The following FGF7 variants were observed in gnomAD, a reference collection of about 807,000 sequenced individuals.
The protein encoded by FGF7 is fibroblast growth factor 7, also known as FGF-7.
Under a neutral mutation model 20.5 loss-of-function variants are expected in FGF7, and 6 were observed. That is an observed-to-expected ratio of 0.29 (90% CI 0.16 to 0.58). FGF7 has a LOEUF of 0.58. Among genes scored for constraint, FGF7 ranks in the 20% least tolerant of loss-of-function variants. FGF7 has a pLI of 0.90. For missense variants in FGF7, 144 were observed against 228.8 expected, an observed-to-expected ratio of 0.63 and a Z score of 2.39; for synonymous variants, 64 against 74.7, an observed-to-expected ratio of 0.86 and a Z score of 0.74.
intron 2 of FGF7, among the ~76,000 whole-genome samples, chr15:49,443,990 G>C (rs2051933770): frequency 6.6e-6 from 1 of 151,594 alleles, no homozygotes; most frequent in Non-Finnish European, 1.5e-5. Flanking sequence ...ACACTTTTGA[G>C]AGTAAAAGAT....
At chr15:49,472,891 G>C (rs892100458) in intron 2 of FGF7, among the ~76,000 whole-genome samples, 2 of 148,014 alleles carry the variant, frequency 1.4e-5, no homozygotes. Flanking sequence ...TAAGAGAAAG[G>C]AGTATCTAAT....
chr15:49,431,201 C>A (rs1252857933), intron 2 of FGF7, among the ~76,000 whole-genome samples: 1 of 151,784 alleles, frequency 6.6e-6, no homozygotes, highest in African/African-American at 2.4e-5. Context: ...CAACATCTAA[C>A]ATTTTTACCC....
chr15:49,445,353 TA>T (rs1454190942), intron 2 of FGF7, among the ~76,000 whole-genome samples: 6 of 151,684 alleles, frequency 4.0e-5, no homozygotes, highest in Non-Finnish European at 1.5e-5. Context: ...CTCTTACTTA[TA>T]AGTGAAAACA....
intron 2 of FGF7, among the ~76,000 whole-genome samples, chr15:49,433,893 AAAAGAG>A (rs2151800806): frequency 6.6e-6 from 1 of 151,870 alleles, no homozygotes; most frequent in African/African-American, 2.4e-5. Flanking sequence ...ATTAGAGACA[AAAAGAG>A]AAAAAGTCTT....
chr15:49,458,595 T>G (rs764904331), intron 2 of FGF7, among the ~76,000 whole-genome samples: 5 of 152,124 alleles, frequency 3.3e-5, no homozygotes, highest in Non-Finnish European at 7.4e-5. Context: ...GCCAAGCTCT[T>G]GTCTTTATAG....
At chr15:49,435,059 G>A (rs757550256) in intron 2 of FGF7, among the ~76,000 whole-genome samples, 7 of 151,246 alleles carry the variant, frequency 4.6e-5, no homozygotes, top group African/African-American at 1.2e-4. Context: ...TGTTCATTTC[G>A]AACACATACA....
chr15:49,427,753 T>C (rs1567255828), intron 2 of FGF7, among the ~76,000 whole-genome samples: 2 of 151,910 alleles, frequency 1.3e-5, no homozygotes, highest in South Asian at 4.1e-4. Flanking sequence ...CTAGTAAATA[T>C]GGATTGGAGC....
Position 49,485,729 on chromosome 15 carries a change from G to T in FGF7, c.*1225G>T, listed in dbSNP as rs1396923800. ...ACCACATATTCTTGCCAATTAATTG[G>T]ATCATATAAGTAAAATCATTACAAA... On this transcript the variant is annotated 3_prime_UTR_variant, in exon 4 of 4. Coordinates refer to ENST00000267843, the MANE Select transcript of FGF7 (RefSeq NM_002009.4). 1 of 152,302 alleles carries T rather than the reference G, an allele frequency of 6.6e-6. No homozygotes were observed. Among genetic ancestry groups the T allele is most frequent in the East Asian group, 1.9e-4 (1 of 5,198 alleles). The allele number at this position is 152,302 out of a possible 1,614,324, so 9.4% of individuals were successfully genotyped here.
intron 2 of FGF7, among the ~76,000 whole-genome samples, chr15:49,465,209 A>G (rs1314859608): frequency 1.3e-5 from 2 of 152,078 alleles, no homozygotes; most frequent in Non-Finnish European, 1.5e-5. Context: ...AACTCACTGC[A>G]ACCTCTGCCT....
At chr15:49,449,711 C>T (rs891773456) in intron 2 of FGF7, among the ~76,000 whole-genome samples, 4 of 151,976 alleles carry the variant, frequency 2.6e-5, no homozygotes, top group Non-Finnish European at 4.4e-5. Flanking sequence ...AGGTCTCTTT[C>T]GCTTCTATAC....
intron 2 of FGF7, among the ~76,000 whole-genome samples, chr15:49,433,805 G>A (rs950230806): frequency 2.2e-4 from 33 of 151,654 alleles, no homozygotes; most frequent in African/African-American, 8.0e-4. Flanking sequence ...CTGACTGCCA[G>A]CTAATCCATG....
chr15:49,456,589 T>C (rs2053316790), intron 2 of FGF7, among the ~76,000 whole-genome samples: 1 of 152,130 alleles, frequency 6.6e-6, no homozygotes, highest in Non-Finnish European at 1.5e-5. Context: ...TTTGCCTTTC[T>C]CTTCTCAAGG....
At chr15:49,472,924 A>C (rs1019514089) in intron 2 of FGF7, among the ~76,000 whole-genome samples, 1 of 152,188 alleles carries the variant, frequency 6.6e-6, no homozygotes, top group Non-Finnish European at 1.5e-5. Context: ...ATACATTTTA[A>C]TATACTCATG....
intron 2 of FGF7, among the ~76,000 whole-genome samples, chr15:49,460,518 A>G (rs527474987): frequency 6.6e-6 from 1 of 152,298 alleles, no homozygotes; most frequent in African/African-American, 2.4e-5. Context: ...CTATGTTTTT[A>G]CTACTTATAT....
At chr15:49,458,435 G>A (rs2053511784) in intron 2 of FGF7, among the ~76,000 whole-genome samples, 1 of 151,986 alleles carries the variant, frequency 6.6e-6, no homozygotes, top group Admixed American at 6.6e-5. Flanking sequence ...TCATTTAAAG[G>A]TTTTGGTTTT....
chr15:49,437,492 T>C (rs2051212350), intron 2 of FGF7, among the ~76,000 whole-genome samples: 2 of 151,670 alleles, frequency 1.3e-5, no homozygotes, highest in Admixed American at 1.3e-4. Flanking sequence ...AATCCAAAGA[T>C]AGTATATCTG....
At chr15:49,430,387 A>G (rs1313511505) in intron 2 of FGF7, among the ~76,000 whole-genome samples, 1 of 151,790 alleles carries the variant, frequency 6.6e-6, no homozygotes, top group African/African-American at 2.4e-5. Context: ...ATGCTCCCAG[A>G]TTAGGATCTC....
chr15:49,441,538 A>C (rs185068907), intron 2 of FGF7, among the ~76,000 whole-genome samples: 1 of 151,772 alleles, frequency 6.6e-6, no homozygotes, highest in Admixed American at 6.6e-5. Flanking sequence ...CATTACAGAC[A>C]AAGTGGGACA....
At position 49,424,153 on chromosome 15, in the gene FGF7, G is replaced by C. The variant is rs1275017896; in HGVS notation, c.-145G>C. The C allele has an allele frequency of 7.5e-6, 5 of 671,038 alleles. No individual in the cohort carries two copies. Among genetic ancestry groups the C allele is most frequent in the Non-Finnish European group, 1.3e-5 (5 of 395,162 alleles). The allele number at this position is 671,038 out of a possible 1,614,324, so 41.6% of individuals were successfully genotyped here. On this transcript the variant is annotated 5_prime_UTR_variant, in exon 2 of 4. Coordinates refer to ENST00000267843, the MANE Select transcript of FGF7 (RefSeq NM_002009.4). Reference sequence around the variant, plus strand: ...TGTTATCAGGAACTAAAAGGATAAGGCTAACAATTTGGAAAGAGCAACTAC... The same window carrying C: ...TGTTATCAGGAACTAAAAGGATAAGCCTAACAATTTGGAAAGAGCAACTAC...
Sources: allele counts gnomAD v4.1 joint callset (sites outside exome capture counted in the v4.1 genomes callset), GRCh38; gene constraint gnomAD v4.1.1; transcripts MANE v1.5; gene names NCBI Gene and HGNC (gene_info 2026-07-23, HGNC 2026-07-21).